The following MORC2 variants were observed in gnomAD, a reference collection of about 807,000 sequenced individuals.
The protein encoded by MORC2 is ATPase MORC2.
A neutral mutation model predicts 136.0 loss-of-function variants in MORC2; 30 were observed. The observed-to-expected ratio is 0.22, with a 90% CI of 0.17 to 0.30. The LOEUF is 0.30. Ranked by LOEUF, MORC2 falls within the 10% of genes least tolerant of loss-of-function variation. The pLI, the probability that MORC2 is intolerant of heterozygous loss-of-function variation, is 1.00. For missense variants in MORC2, 922 were observed against 1,333.1 expected, an observed-to-expected ratio of 0.69 and a Z score of 4.80; for synonymous variants, 439 against 487.0, an observed-to-expected ratio of 0.90 and a Z score of 1.30.
At position 30,934,707 on chromosome 22, in the gene MORC2, G is replaced by T; in HGVS notation, c.2193+74C>A. The T allele has an allele frequency of 6.4e-7, 1 of 1,555,260 alleles. No individual in the cohort carries two copies. Among genetic ancestry groups the T allele is most frequent in the Non-Finnish European group, 8.8e-7 (1 of 1,142,164 alleles). On this transcript the variant is annotated intron_variant, in intron 19 of 25. Transcript: ENST00000397641. The surrounding 1 kb of genome is among the most constrained non-coding windows in gnomAD (Gnocchi z 4.4). ...ATCTTCCGAAGGCTCCCCCAGTACA[G>T]CTGTGACACTGCACAATTCCATTCC...
chr22:30,967,317 G>A (rs2041143189), intron 1 of MORC2: 1 of 987,540 alleles, frequency 1.0e-6, no homozygotes, highest in Admixed American at 6.0e-5. Flanking sequence ...AATAATATTG[G>A]ATGTGAGCAA....
chr22:30,926,726 C>G lies in MORC2; in HGVS notation c.*77G>C. 8.0e-7 allele frequency: 1 copy of G among 1,246,132 alleles called. No homozygotes were observed. The allele number at this position is 1,246,132 out of a possible 1,614,324, so 77.2% of individuals were successfully genotyped here. On this transcript the variant is annotated 3_prime_UTR_variant, in exon 26 of 26. Coordinates refer to ENST00000397641, the MANE Select transcript of MORC2 (RefSeq NM_001303256.3). ...TCAAACCAAGGTGCGACCACCAACCCATGAATGAAGTCCCCTCCCCCTGCA... is the reference window on the plus strand; with the variant it reads ...TCAAACCAAGGTGCGACCACCAACCGATGAATGAAGTCCCCTCCCCCTGCA...
intron 2 of MORC2, among the ~76,000 whole-genome samples, chr22:30,957,971 T>C (rs1354993702): frequency 6.6e-6 from 1 of 152,248 alleles, no homozygotes; most frequent in Non-Finnish European, 1.5e-5. Context: ...TAAATGTGTC[T>C]GAATTTTATG....
intron 1 of MORC2, chr22:30,967,547 A>C (rs1257475426): frequency 1.4e-5 from 18 of 1,253,372 alleles, no homozygotes; most frequent in Non-Finnish European, 1.8e-5. Flanking sequence ...TAAACACTTG[A>C]ATGAAACAAC....
At chr22:30,946,114 C>T (rs1189117808) in intron 6 of MORC2, among the ~76,000 whole-genome samples, 1 of 152,202 alleles carries the variant, frequency 6.6e-6, no homozygotes, top group Non-Finnish European at 1.5e-5. Context: ...TTCTCGGAAA[C>T]AGTTGTTCTC....
chr22:30,933,034 A>C lies in MORC2; in HGVS notation c.2381-4T>G. On this transcript the variant is annotated splice_polypyrimidine_tract_variant and splice_region_variant and intron_variant, in intron 21 of 25. Coordinates refer to ENST00000397641, the MANE Select transcript of MORC2 (RefSeq NM_001303256.3). ...ACCTCCACGTGCAGCCCTTTATCTG[A>C]CAATGTAGACAGAGGTGCGAGTCAG... 6.2e-7 allele frequency: 1 copy of C among 1,613,662 alleles called. No individual in the cohort carries two copies. Among genetic ancestry groups the C allele is most frequent in the African/African-American group, 1.3e-5 (1 of 75,020 alleles).
intron 2 of MORC2, among the ~76,000 whole-genome samples, chr22:30,957,054 C>A (rs1320500678): frequency 2.0e-5 from 3 of 151,952 alleles, no homozygotes; most frequent in African/African-American, 4.8e-5. Flanking sequence ...TTTTTTAAAT[C>A]CTGATTTTGT....
chr22:30,934,800 G>A lies in MORC2; in HGVS notation c.2174C>T (p.Ser725Leu), dbSNP rs1475628051. Residue 725 changes from serine to leucine, a missense_variant, in exon 19 of 26, where the codon TCA (serine) becomes TTA (leucine). This residue lies in a region of MORC2 where 184 missense variants were observed against 180.3 expected (regional missense o/e 1.02). Coordinates refer to ENST00000397641, the MANE Select transcript of MORC2 (RefSeq NM_001303256.3). This position sits in a 1 kb window ranked among gnomAD's most constrained non-coding sequence, Gnocchi z 4.4. ...IKTPVVKKTE[S>L]PIKLSPATPS... ...TCTCACCGGGGAGAGTTTGATGGGT[G>A]ACTCTGTCTTCTTCACCACTGGAGT... is the stretch of plus-strand genomic sequence containing the variant. 1.2e-6 allele frequency: 2 copies of A among 1,614,032 alleles called. No homozygotes were observed. Among genetic ancestry groups the A allele is most frequent in the African/African-American group, 1.3e-5 (1 of 74,920 alleles).
intron 4 of MORC2, 38 bp downstream of exon 4, chr22:30,950,339 A>AAGCCC: frequency 1.9e-6 from 1 of 539,986 alleles, no homozygotes; most frequent in Non-Finnish European, 3.5e-6. Flanking sequence ...GTTACATCGC[A>AAGCCC]CCCCCCCACC....
At position 30,968,392 on chromosome 22, in the gene MORC2, A is replaced by T. The variant is rs1438575343; in HGVS notation, c.-503T>A. On this transcript the variant is annotated 5_prime_UTR_variant, in exon 1 of 26. Coordinates refer to ENST00000397641, the MANE Select transcript of MORC2 (RefSeq NM_001303256.3). The stretch of plus-strand genomic sequence containing the variant: ...ACACGTGATGCCAGGATTCTTAAAC[A>T]GGCCCAAGACCGGAGACCAAGATGT... 1.3e-5 allele frequency: 2 copies of T among 154,248 alleles called. No individual in the cohort carries two copies. The highest frequency in any genetic ancestry group is 1.3e-4 in the Admixed American group (2 of 15,448). 9.6% of individuals were successfully genotyped at this position (154,248 alleles called of 1,614,324 possible).
intron 1 of MORC2, among the ~76,000 whole-genome samples, chr22:30,965,438 TCAC>T (rs2041113968): frequency 1.3e-5 from 2 of 152,230 alleles, no homozygotes; most frequent in South Asian, 4.1e-4. Context: ...TCCAATCAGG[TCAC>T]CACAATGTTT....
Position 30,942,286 on chromosome 22 carries a change from T to C in MORC2, c.427-15A>G. 2.5e-6 allele frequency: 4 copies of C among 1,601,260 alleles called. No homozygotes were observed. The highest frequency in any genetic ancestry group is 2.6e-6 in the Non-Finnish European group (3 of 1,175,912). On this transcript the variant is annotated splice_polypyrimidine_tract_variant and intron_variant, in intron 6 of 25. Transcript: ENST00000397641. ...GGGACTATCACCTGTGGAGTAAACA[T>C]GAGCAGGCACTTTAAGGGAAGCCCC...
At chr22:30,939,512 G>C in intron 12 of MORC2, 109 bp downstream of exon 12, 1 of 1,044,734 alleles carries the variant, frequency 9.6e-7, no homozygotes, top group Non-Finnish European at 1.4e-6. Flanking sequence ...CATTTGACAA[G>C]CATTTGGCAT....
At chr22:30,933,665 A>G (rs2063052516) in intron 20 of MORC2, 145 bp from the exon 21 acceptor site, 2 of 781,298 alleles carry the variant, frequency 2.6e-6, no homozygotes, top group Non-Finnish European at 2.1e-6. Flanking sequence ...TGAGAGCCAC[A>G]CTCCAAAATC....
In MORC2 at chr22:30,941,429, C is replaced by G; in HGVS notation, c.824+4G>C. 1 of 1,613,782 alleles carries G rather than the reference C, an allele frequency of 6.2e-7. No individual in the cohort carries two copies. Among genetic ancestry groups the G allele is most frequent in the South Asian group, 1.1e-5 (1 of 91,078 alleles). On this transcript the variant is annotated splice_donor_region_variant and intron_variant, in intron 9 of 25. Transcript: ENST00000397641. The surrounding 1 kb of genome is among the most constrained non-coding windows in gnomAD (Gnocchi z 4.6). ...ACAGCAGGCCAAGGGGCACTGGCCC[C>G]TACCTGGGCTTGTACAGGCAGCAGG...
At chr22:30,946,797 T>C (rs187093695) in intron 5 of MORC2, among the ~76,000 whole-genome samples, 2 of 152,284 alleles carry the variant, frequency 1.3e-5, no homozygotes, top group East Asian at 1.9e-4. Flanking sequence ...GTAACCCTGC[T>C]GTCTTTGAGC....
At position 30,932,828 on chromosome 22, in the gene MORC2, G is replaced by A. The variant is rs927128734; in HGVS notation, c.2523-59C>T. 1.2e-6 allele frequency: 2 copies of A among 1,613,166 alleles called. No homozygotes were observed. The highest frequency in any genetic ancestry group is 1.7e-6 in the Non-Finnish European group (2 of 1,179,272). ...CCCGGGCTCCCAGGATGGGCTGCTG[G>A]CAGGGAGGCCGGGGATACCTCCTTC... On this transcript the variant is annotated intron_variant, in intron 22 of 25. Transcript: ENST00000397641. This position sits in a 1 kb window ranked among gnomAD's most constrained non-coding sequence, Gnocchi z 4.4.
At chr22:30,957,203 A>G (rs754484059) in intron 2 of MORC2, among the ~76,000 whole-genome samples, 13 of 152,244 alleles carry the variant, frequency 8.5e-5, no homozygotes, top group Non-Finnish European at 1.6e-4. Context: ...TCTCGTCAAT[A>G]TTTTAAGAAA....
intron 1 of MORC2, 101 bp from the exon 2 acceptor site, chr22:30,958,795 C>A: frequency 9.6e-7 from 1 of 1,043,118 alleles, no homozygotes; most frequent in Non-Finnish European, 1.4e-6. Flanking sequence ...TGAAAAAAAT[C>A]TTAAAACCAC....
Sources: allele counts gnomAD v4.1 joint callset (sites outside exome capture counted in the v4.1 genomes callset), GRCh38; gene constraint gnomAD v4.1.1; regional missense constraint gnomAD v4.1.1; non-coding constraint Gnocchi (gnomAD v3.1); transcripts MANE v1.5; gene names NCBI Gene and HGNC (gene_info 2026-07-23, HGNC 2026-07-21).